Variants in DEFB124 observed in about 807,000 individuals in gnomAD.
DEFB124 encodes the protein beta-defensin 124.
For synonymous variants in DEFB124, 38 were observed against 36.5 expected, an observed-to-expected ratio of 1.04 and a Z score of -0.15; for missense variants, 78 against 83.1, an observed-to-expected ratio of 0.94 and a Z score of 0.24.
chr20:31,473,338 A>G (rs759767111), intron 1 of DEFB124, among the ~76,000 whole-genome samples: 34 of 152,090 alleles, frequency 2.2e-4, no homozygotes, highest in Non-Finnish European at 2.8e-4. Flanking sequence ...CTTAAGAGAG[A>G]CCTAGTTCAA....
In DEFB124 at chr20:31,465,596, T is replaced by G; in HGVS notation, c.126A>C (p.Glu42Asp). 1 of 1,614,184 alleles carries G rather than the reference T, an allele frequency of 6.2e-7. No homozygotes were observed. Among genetic ancestry groups the G allele is most frequent in the Non-Finnish European group, 8.5e-7 (1 of 1,180,032 alleles). Residue 42 changes from glutamate to aspartate, a missense_variant, in exon 3 of 3, where the codon GAA (glutamate) becomes GAC (aspartate). By Grantham distance (45) the Glu-to-Asp change is conservative. Coordinates refer to ENST00000317676, the MANE Select transcript of DEFB124 (RefSeq NM_001037500.2). ...CATCCGGGCACAGGTGCATGTAAGT[T>G]TCTTGCCTTGTGCAGTAAGTTTGGC... The part of the protein sequence containing the change: ...GACQTYCTRQ[E>D]TYMHLCPDAS...
At chr20:31,471,278 A>G (rs1440929319) in intron 2 of DEFB124, among the ~76,000 whole-genome samples, 1 of 88,712 alleles carries the variant, frequency 1.1e-5, no homozygotes, top group Non-Finnish European at 2.2e-5. Flanking sequence ...GGCGCCCCTC[A>G]CCTCCCGGAC....
chr20:31,470,611 C>A (rs1457256586), intron 2 of DEFB124, among the ~76,000 whole-genome samples: 1 of 53,620 alleles, frequency 1.9e-5, no homozygotes, highest in Non-Finnish European at 3.4e-5. Context: ...GGCTGACCCC[C>A]CCCCCCACCT....
rs372294510 is a variant in DEFB124, at chr20:31,465,565, G to A, written c.157C>T (p.Leu53=). The stretch of plus-strand genomic sequence containing the variant: ...TTCAATGCATAGGAGAGACAGCACA[G>A]GGACGCATCCGGGCACAGGTGCATG... ...TYMHLCPDAS[L]CCLSYALKPP... is the part of the protein sequence containing the mutation. Residue 53 remains leucine, a synonymous_variant, in exon 3 of 3, where the codon CTG becomes TTG. Transcript: ENST00000317676. The A allele has an allele frequency of 1.9e-5, 31 of 1,614,102 alleles. 1 individual carries two copies. The East Asian group carries it at 4.2e-4, about 22-fold the overall frequency.
chr20:31,469,841 T>A (rs1273856560), intron 2 of DEFB124, among the ~76,000 whole-genome samples: 1 of 149,210 alleles, frequency 6.7e-6, no homozygotes, highest in Non-Finnish European at 1.5e-5. Context: ...GTCTCCCATG[T>A]CTATTTCTTT....
At chr20:31,468,347 A>G (rs564038281) in intron 2 of DEFB124, among the ~76,000 whole-genome samples, 1 of 152,252 alleles carries the variant, frequency 6.6e-6, no homozygotes, top group East Asian at 1.9e-4. Context: ...TATATAAAAT[A>G]AGATCGCTGG....
intron 2 of DEFB124, among the ~76,000 whole-genome samples, chr20:31,470,985 G>C (rs1236624079): frequency 7.2e-6 from 1 of 139,626 alleles, no homozygotes; most frequent in Non-Finnish European, 1.6e-5. Flanking sequence ...CTTCCCGGAC[G>C]GGGCGGCTGG....
chr20:31,466,784 G>GT (rs1259374962), intron 2 of DEFB124, among the ~76,000 whole-genome samples: 1 of 151,820 alleles, frequency 6.6e-6, no homozygotes, highest in Non-Finnish European at 1.5e-5. Flanking sequence ...CATGGGCAAT[G>GT]GAAAAGGCAA....
chr20:31,471,293 C>T (rs1404944310), intron 2 of DEFB124, among the ~76,000 whole-genome samples: 7 of 115,482 alleles, frequency 6.1e-5, no homozygotes, highest in Non-Finnish European at 1.3e-4. Context: ...CCGGACGGGG[C>T]GGCTGGCCGG....
intron 2 of DEFB124, 119 bp from the exon 3 acceptor site, chr20:31,465,782 GT>G: frequency 8.5e-7 from 1 of 1,182,410 alleles, no homozygotes; most frequent in Non-Finnish European, 1.2e-6. Flanking sequence ...CTGGTCTTCT[GT>G]TAGATCACTA....
intron 2 of DEFB124, among the ~76,000 whole-genome samples, chr20:31,468,323 A>G (rs1159092976): frequency 6.6e-6 from 1 of 152,172 alleles, no homozygotes; most frequent in Non-Finnish European, 1.5e-5. Context: ...TCAGACCTCT[A>G]TTCAAACCCA....
At chr20:31,467,431 C>A (rs1355164058) in intron 2 of DEFB124, among the ~76,000 whole-genome samples, 1 of 152,196 alleles carries the variant, frequency 6.6e-6, no homozygotes, top group Non-Finnish European at 1.5e-5. Context: ...CCAGCTCAGA[C>A]CTCCTGGGTC....
chr20:31,468,589 C>T lies in DEFB124; in HGVS notation c.59-2926G>A, dbSNP rs532267519. Among the ~76,000 whole-genome samples, 12 of 152,068 alleles carry T rather than the reference C, an allele frequency of 7.9e-5. No individual in the cohort carries two copies. In the South Asian group the frequency reaches 2.3e-3, roughly 29 times the overall value. The stretch of plus-strand genomic sequence containing the variant: ...CTCCCGGGTTCAACTGATTCTCCTG[C>T]CTCAGCCTCCCGAGTAGCTGGGATT... On this transcript the variant is annotated intron_variant, in intron 2 of 2. Coordinates refer to ENST00000317676, the MANE Select transcript of DEFB124 (RefSeq NM_001037500.2).
chr20:31,470,856 A>G (rs1281132388), intron 2 of DEFB124, among the ~76,000 whole-genome samples: 3 of 132,728 alleles, frequency 2.3e-5, no homozygotes, highest in Non-Finnish European at 3.2e-5. Flanking sequence ...TCCCTCCCGG[A>G]CGGGGCGGCT....
chr20:31,467,444 A>G (rs1384803324), intron 2 of DEFB124, among the ~76,000 whole-genome samples: 1 of 152,198 alleles, frequency 6.6e-6, no homozygotes, highest in African/African-American at 2.4e-5. Context: ...CCTGGGTCCA[A>G]ATCCCAGCTC....
At chr20:31,470,306 C>T (rs1160035971) in intron 2 of DEFB124, among the ~76,000 whole-genome samples, 4 of 140,932 alleles carry the variant, frequency 2.8e-5, no homozygotes, top group African/African-American at 1.1e-4. Flanking sequence ...CAGAGGGGTT[C>T]CTCACTTCCC....
chr20:31,470,660 A>G (rs867067647), intron 2 of DEFB124, among the ~76,000 whole-genome samples: 29 of 20,752 alleles, frequency 1.4e-3, no homozygotes, highest in African/African-American at 3.4e-3. Context: ...GGGGGGCTGA[A>G]CCCCCCACCT....
At chr20:31,474,287 CA>C (rs1426619303) in intron 1 of DEFB124, among the ~76,000 whole-genome samples, 1 of 152,256 alleles carries the variant, frequency 6.6e-6, no homozygotes, top group Non-Finnish European at 1.5e-5. Flanking sequence ...AAGGGTGCTG[CA>C]CCACTCATGG....
intron 2 of DEFB124, among the ~76,000 whole-genome samples, chr20:31,471,843 A>G (rs1253793634): frequency 4.0e-4 from 44 of 111,010 alleles, no homozygotes; most frequent in South Asian, 9.7e-4. Context: ...CCCAGATGGG[A>G]TGGCTGCCGG....
Sources: gnomAD v4.1 joint callset for allele counts (sites outside exome capture counted in the v4.1 genomes callset) on GRCh38, gnomAD v4.1.1 for gene constraint, MANE v1.5 for transcripts, NCBI Gene and HGNC (gene_info 2026-07-23, HGNC 2026-07-21) for gene names.